The following MARCHF1 variants were observed in gnomAD, a reference collection of about 807,000 sequenced individuals.
MARCHF1 encodes E3 ubiquitin-protein ligase MARCHF1.
Under a neutral mutation model 54.2 loss-of-function variants are expected in MARCHF1, and 40 were observed. The ratio of observed to expected loss-of-function variants is 0.74; its 90% CI spans 0.57 to 0.96. MARCHF1 has a LOEUF of 0.96. MARCHF1 is among the 40% of genes least tolerant of loss of function. The pLI is 0.00. For missense variants in MARCHF1, 586 were observed against 656.5 expected (o/e 0.89, Z 1.17); for synonymous variants, 236 against 236.3 (o/e 1.00, Z 0.01).
At chr4:163,806,696 GAA>G (rs1327761170) in intron 4 of MARCHF1, among the ~76,000 whole-genome samples, 1 of 152,156 alleles carries the variant, frequency 6.6e-6, no homozygotes, top group Non-Finnish European at 1.5e-5. Flanking sequence ...TAGCATGCAA[GAA>G]AAAGTGATGG....
At chr4:163,928,292 A>G (rs910595673) in intron 3 of MARCHF1, among the ~76,000 whole-genome samples, 3 of 151,952 alleles carry the variant, frequency 2.0e-5, no homozygotes, top group African/African-American at 4.8e-5. Context: ...ACACATCAAC[A>G]TAGTGCCTTT....
At chr4:163,893,564 C>T (rs894009614) in intron 3 of MARCHF1, among the ~76,000 whole-genome samples, 4 of 151,836 alleles carry the variant, frequency 2.6e-5, no homozygotes, top group African/African-American at 9.7e-5. Flanking sequence ...TTTTCTGACA[C>T]GTAAAGTATA....
At chr4:163,667,318 A>T (rs1743574211) in intron 5 of MARCHF1, among the ~76,000 whole-genome samples, 1 of 152,152 alleles carries the variant, frequency 6.6e-6, no homozygotes, top group African/African-American at 2.4e-5. Context: ...ACCCACCAAC[A>T]AGTGAAAAGC....
At chr4:164,250,442 G>C (rs530277640) in intron 1 of MARCHF1, among the ~76,000 whole-genome samples, 2 of 152,124 alleles carry the variant, frequency 1.3e-5, no homozygotes, top group East Asian at 3.9e-4. Context: ...AAATTGCATG[G>C]TATAGGCCAA....
intron 1 of MARCHF1, among the ~76,000 whole-genome samples, chr4:164,351,516 C>CGGCAG (rs1730333988): frequency 6.6e-6 from 1 of 152,008 alleles, no homozygotes; most frequent in Non-Finnish European, 1.5e-5. Context: ...ACACCTCACA[C>CGGCAG]GGCAGGGTAT....
chr4:164,297,081 A>T (rs1734431856), intron 1 of MARCHF1, among the ~76,000 whole-genome samples: 1 of 152,252 alleles, frequency 6.6e-6, no homozygotes, highest in Non-Finnish European at 1.5e-5. Context: ...TTATCGTATT[A>T]AGAAAAATGA....
chr4:164,077,759 G>A lies in MARCHF1; in HGVS notation c.-248+33829C>T, dbSNP rs145905978. ...ACATCTCAAAAGAAGACATTTATGC[G>A]GCAAACAAACACATGAAAAAAAGCT... is the stretch of plus-strand genomic sequence containing the variant. On this transcript the variant is annotated intron_variant, in intron 2 of 9. Coordinates refer to ENST00000514618, the MANE Select transcript of MARCHF1 (RefSeq NM_001394959.1). 1.5e-3 allele frequency among the ~76,000 whole-genome samples: 232 copies of A among 152,192 alleles called. 5 individuals carry two copies. In the East Asian group the frequency reaches 0.036, roughly 24 times the overall value.
chr4:164,278,348 T>C (rs1234003918), intron 1 of MARCHF1, among the ~76,000 whole-genome samples: 1 of 152,068 alleles, frequency 6.6e-6, no homozygotes, highest in Non-Finnish European at 1.5e-5. Context: ...ATAAGACATG[T>C]GAAGTATCCT....
chr4:164,127,603 A>T (rs1756212919), intron 1 of MARCHF1, among the ~76,000 whole-genome samples: 1 of 152,200 alleles, frequency 6.6e-6, no homozygotes, highest in Admixed American at 6.5e-5. Flanking sequence ...AAAAACTGAC[A>T]TTCAAGAATT....
At chr4:164,075,604 C>T (rs1754960679) in intron 2 of MARCHF1, among the ~76,000 whole-genome samples, 1 of 152,184 alleles carries the variant, frequency 6.6e-6, no homozygotes, top group Non-Finnish European at 1.5e-5. Context: ...TCGTTTGTTA[C>T]ATGGCATTGT....
chr4:163,890,379 TC>T (rs530406101), intron 3 of MARCHF1, among the ~76,000 whole-genome samples: 4 of 56,874 alleles, frequency 7.0e-5, no homozygotes, highest in Non-Finnish European at 1.8e-4. Flanking sequence ...TCTCTCTCTC[TC>T]TGTTTTTTCT....
At chr4:163,627,889 A>G (rs924104459) in intron 5 of MARCHF1, among the ~76,000 whole-genome samples, 5 of 152,136 alleles carry the variant, frequency 3.3e-5, no homozygotes, top group Non-Finnish European at 7.4e-5. Flanking sequence ...ACATGCAAGA[A>G]AATGAATCTC....
intron 1 of MARCHF1, among the ~76,000 whole-genome samples, chr4:164,248,878 A>C (rs962800461): frequency 3.3e-5 from 5 of 151,850 alleles, no homozygotes; most frequent in Non-Finnish European, 7.4e-5. Flanking sequence ...AGGGCTAGGA[A>C]ATTTTAAATT....
chr4:164,377,591 G>GCACGCACACA (rs1554005680), intron 1 of MARCHF1, among the ~76,000 whole-genome samples: 1 of 149,416 alleles, frequency 6.7e-6, no homozygotes, highest in Non-Finnish European at 1.5e-5. Flanking sequence ...TACTTTTTAT[G>GCACGCACACA]CACACACACA....
At chr4:163,576,068 TTTC>T (rs1740026698) in intron 8 of MARCHF1, among the ~76,000 whole-genome samples, 1 of 152,174 alleles carries the variant, frequency 6.6e-6, no homozygotes, top group Non-Finnish European at 1.5e-5. Flanking sequence ...TTTAGTTTTT[TTTC>T]TTCTTCTAGC....
intron 2 of MARCHF1, among the ~76,000 whole-genome samples, chr4:164,025,502 C>T (rs890671180): frequency 1.3e-5 from 2 of 151,852 alleles, no homozygotes; most frequent in Admixed American, 6.6e-5. Context: ...GAATGAACAA[C>T]AAAATTAAGG....
At chr4:163,586,898 A>G (rs187109184) in intron 7 of MARCHF1, among the ~76,000 whole-genome samples, 5 of 152,362 alleles carry the variant, frequency 3.3e-5, no homozygotes, top group Admixed American at 2.6e-4. Context: ...TGAAAATATT[A>G]CAGATATGTT....
At chr4:164,322,348 T>A (rs1735164123) in intron 1 of MARCHF1, among the ~76,000 whole-genome samples, 1 of 151,974 alleles carries the variant, frequency 6.6e-6, no homozygotes, top group African/African-American at 2.4e-5. Flanking sequence ...ATATACTAAT[T>A]TCCTTTCTTT....
intron 4 of MARCHF1, among the ~76,000 whole-genome samples, chr4:163,811,731 A>T (rs1264866640): frequency 1.3e-5 from 2 of 152,182 alleles, no homozygotes; most frequent in Admixed American, 1.3e-4. Context: ...AATAGTAATG[A>T]TTCAGATTTA....
Sources: gnomAD v4.1 joint callset for allele counts (sites outside exome capture counted in the v4.1 genomes callset) on GRCh38, gnomAD v4.1.1 for gene constraint, MANE v1.5 for transcripts, NCBI Gene and HGNC (gene_info 2026-07-23, HGNC 2026-07-21) for gene names.